CSPG4: variants seen among roughly 807,000 people sequenced by gnomAD.
The protein encoded by CSPG4 is chondroitin sulfate proteoglycan 4.
A neutral mutation model predicts 139.3 loss-of-function variants in CSPG4; 74 were observed. That is an observed-to-expected ratio of 0.53 (90% CI 0.44 to 0.64). CSPG4 has a LOEUF of 0.64. CSPG4 is among the 30% of genes least tolerant of loss of function. The pLI, the probability that CSPG4 is intolerant of heterozygous loss-of-function variation, is 0.00. For synonymous variants in CSPG4, 1,234 were observed against 1,394.2 expected, an observed-to-expected ratio of 0.89 and a Z score of 2.56; for missense variants, 2,565 against 3,148.3, an observed-to-expected ratio of 0.81 and a Z score of 4.43.
In CSPG4 at chr15:75,674,737, C is replaced by T. The variant is rs899150040; in HGVS notation, c.*813G>A. 2.0e-5 allele frequency: 8 copies of T among 398,620 alleles called. No homozygotes were observed. Among genetic ancestry groups the T allele is most frequent in the African/African-American group, 1.0e-4 (5 of 48,606 alleles). The allele number at this position is 398,620 out of a possible 1,614,324, so 24.7% of individuals were successfully genotyped here. A position where few individuals can be genotyped will look rare whatever the true frequency, so the allele number is the denominator to read the frequency against. On this transcript the variant is annotated 3_prime_UTR_variant, in exon 10 of 10. Transcript: ENST00000308508. ...CGCAGTGGCCTCGGCCTGAGACCCT[C>T]GATGAGCCCCAGCCTAACCTGCTCC...
In CSPG4 at chr15:75,676,801, G is replaced by A. The variant is rs1042644348; in HGVS notation, c.5718C>T (p.Phe1906=). ...CTGCCACGCTGCTCCCGTTGGCCAC[G>A]AAGGCCAGCCGCCCTGAATCCACAT... The part of the protein sequence containing the change: ...QADVDSGRLA[F]VANGSSVAGI... Residue 1906 remains phenylalanine, a synonymous_variant, in exon 10 of 10, where the codon TTC becomes TTT. Transcript: ENST00000308508. 7 of 1,543,422 alleles carry A rather than the reference G, an allele frequency of 4.5e-6. No individual in the cohort carries two copies. The highest frequency in any genetic ancestry group is 3.5e-6 in the Non-Finnish European group (4 of 1,143,306).
intron 5 of CSPG4, among the ~76,000 whole-genome samples, chr15:75,683,979 C>A (rs1317790179): frequency 3.3e-5 from 5 of 152,288 alleles, no homozygotes; most frequent in South Asian, 2.1e-4. Context: ...TGGCGGCTTC[C>A]GCACCACCAG....
rs1893914041 is a variant in CSPG4 at position 75,677,747 on chromosome 15, T to G, written c.5090A>C (p.Glu1697Ala). 6.2e-7 allele frequency: 1 copy of G among 1,609,702 alleles called. No individual in the cohort carries two copies. Among genetic ancestry groups the G allele is most frequent in the Admixed American group, 1.7e-5 (1 of 59,196 alleles). ...AATLAVAVSF[E>A]AACPQRPSHL... is the part of the protein sequence containing the mutation. Reference sequence around the variant, plus strand: ...GCTGGGGCGCTGGGGACAGGCAGCCTCAAAAGACACAGCCACAGCAAGGGT... The same window carrying G: ...GCTGGGGCGCTGGGGACAGGCAGCCGCAAAAGACACAGCCACAGCAAGGGT... The change falls in exon 9 of 10, where the codon GAG (glutamate) becomes GCG (alanine). Residue 1697 changes from glutamate to alanine, a missense_variant. This residue lies in a region of CSPG4 where 2,316 missense variants were observed against 2,818.2 expected (regional missense o/e 0.82). Coordinates refer to ENST00000308508, the MANE Select transcript of CSPG4 (RefSeq NM_001897.5).
chr15:75,685,004 T>C (rs1238567470), intron 4 of CSPG4, 92 bp from the exon 5 acceptor site: 2 of 1,366,842 alleles, frequency 1.5e-6, no homozygotes, highest in Non-Finnish European at 2.0e-6. Context: ...CTTTTAGGGC[T>C]TCATTTTCCA....
rs1174057655 is a variant in CSPG4 at position 75,677,143 on chromosome 15, G to A, written c.5376C>T (p.Gly1792=). The change falls in exon 10 of 10, where the codon GGC becomes GGT. Residue 1792 remains glycine (G), a synonymous_variant. Coordinates refer to ENST00000308508, the MANE Select transcript of CSPG4 (RefSeq NM_001897.5). ...GQLVYAHGGG[G]TQQDGFHFRA... ...GAAAGTGGAAGCCATCCTGCTGGGT[G>A]CCCCCACCGCCGTGGGCATACACTA... is the stretch of plus-strand genomic sequence containing the variant. The A allele has an allele frequency of 9.9e-6, 14 of 1,419,498 alleles. No individual in the cohort carries two copies. The highest frequency in any genetic ancestry group is 1.2e-5 in the Non-Finnish European group (13 of 1,083,988). The allele number at this position is 1,419,498 out of a possible 1,614,324, so 87.9% of individuals were successfully genotyped here.
At position 75,696,274 on chromosome 15, in the gene CSPG4, G is replaced by A. The variant is rs1894226233; in HGVS notation, c.89-3041C>T. Among the ~76,000 whole-genome samples the A allele has an allele frequency of 6.6e-6, 1 of 152,096 alleles. No homozygotes were observed. The highest frequency in any genetic ancestry group is 2.4e-5 in the African/African-American group (1 of 41,416). On this transcript the variant is annotated intron_variant, in intron 1 of 9. Transcript: ENST00000308508. The surrounding 1 kb of genome is among the most constrained non-coding windows in gnomAD (Gnocchi z 4.2). ...CATATGGATGTGGGGAAGGTTAATGGCATGGGGTGCCTGGAGGTGCCAAGC... is the reference window on the plus strand; with the variant it reads ...CATATGGATGTGGGGAAGGTTAATGACATGGGGTGCCTGGAGGTGCCAAGC...
chr15:75,676,218 T>C lies in CSPG4; in HGVS notation c.6301A>G (p.Arg2101Gly), dbSNP rs1893888984. ...HGRVVRVPRA[R>G]TEPGGSQLVE... Reference sequence around the variant, plus strand: ...AGCTGGCTGCCCCCGGGCTCCGTCCTGGCTCGGGGCACGCGGACCACGCGG... The same window carrying C: ...AGCTGGCTGCCCCCGGGCTCCGTCCCGGCTCGGGGCACGCGGACCACGCGG... The change falls in exon 10 of 10, where the codon AGG becomes GGG. Residue 2101 changes from arginine (R) to glycine (G), a missense_variant. Arg to Gly is a moderately radical substitution (Grantham distance 125). This residue lies in a region of CSPG4 where 2,316 missense variants were observed against 2,818.2 expected (regional missense o/e 0.82). Transcript: ENST00000308508. The C allele has an allele frequency of 1.3e-6, 2 of 1,552,378 alleles. No individual in the cohort carries two copies. The highest frequency in any genetic ancestry group is 1.7e-6 in the Non-Finnish European group (2 of 1,155,790).
intron 1 of CSPG4, among the ~76,000 whole-genome samples, chr15:75,703,096 GC>G (rs2141438492): frequency 8.3e-6 from 1 of 120,338 alleles, no homozygotes; most frequent in South Asian, 3.6e-4. Context: ...GGCAGAGAGG[GC>G]CCTGGGGACG....
rs1406586562 is a variant in CSPG4, at chr15:75,674,741, G to A, written c.*809C>T. The A allele has an allele frequency of 5.0e-6, 2 of 398,590 alleles. No individual in the cohort carries two copies. The highest frequency in any genetic ancestry group is 6.2e-4 in the Middle Eastern group (1 of 1,608). 24.7% of individuals were successfully genotyped at this position (398,590 alleles called of 1,614,324 possible). On this transcript the variant is annotated 3_prime_UTR_variant, in exon 10 of 10. Transcript: ENST00000308508. ...GTGGCCTCGGCCTGAGACCCTCGAT[G>A]AGCCCCAGCCTAACCTGCTCCAAAG... is the stretch of plus-strand genomic sequence containing the variant.
At chr15:75,699,845 C>T (rs1400571566) in intron 1 of CSPG4, among the ~76,000 whole-genome samples, 4 of 152,160 alleles carry the variant, frequency 2.6e-5, no homozygotes, top group South Asian at 2.1e-4. Context: ...GCCTTATAAT[C>T]TTCCCTCTTG....
chr15:75,683,064 G>A lies in CSPG4; in HGVS notation c.4450-23C>T, dbSNP rs183262083. On this transcript the variant is annotated intron_variant, in intron 5 of 9. Coordinates refer to ENST00000308508, the MANE Select transcript of CSPG4 (RefSeq NM_001897.5). ...CATCTGGGAACACAGGCCTGTGAAG[G>A]TTCTGCCTTGCCGCACTCACCCACC... The A allele has an allele frequency of 1.5e-3, 2,425 of 1,601,346 alleles. 6 individuals carry two copies. Among genetic ancestry groups the A allele is most frequent in the Middle Eastern group, 6.5e-3 (29 of 4,460 alleles).
Position 75,689,413 on chromosome 15 carries a change from T to C in CSPG4, c.1652A>G (p.Asp551Gly), listed in dbSNP as rs939527051. ...LLPIQVNPVN[D>G]PPHIIFPHGS... ...ATGTGGGAAGATGATGTGGGGTGGG[T>C]CATTGACAGGGTTGACCTGGATGGG... Residue 551 changes from aspartate (D) to glycine (G), a missense_variant, in exon 3 of 10, where the codon GAC (aspartate) becomes GGC (glycine). Coordinates refer to ENST00000308508, the MANE Select transcript of CSPG4 (RefSeq NM_001897.5). 2.5e-6 allele frequency: 4 copies of C among 1,612,398 alleles called. No individual in the cohort carries two copies. The highest frequency in any genetic ancestry group is 3.3e-5 in the Admixed American group (2 of 59,970).
intron 1 of CSPG4, 52 bp from the exon 2 acceptor site, chr15:75,693,285 G>A: frequency 7.2e-7 from 1 of 1,388,100 alleles, no homozygotes. Context: ...CCTGGAGGAG[G>A]CGAGGTGCCG....
chr15:75,694,586 G>A (rs760056327), intron 1 of CSPG4, among the ~76,000 whole-genome samples: 2 of 152,374 alleles, frequency 1.3e-5, no homozygotes, highest in African/African-American at 2.4e-5. Flanking sequence ...AGCTTCAGCC[G>A]TTGGAGGAGT....
At chr15:75,686,149 C>T (rs189732801) in intron 3 of CSPG4, among the ~76,000 whole-genome samples, 44 of 152,320 alleles carry the variant, frequency 2.9e-4, no homozygotes, top group African/African-American at 9.1e-4. Flanking sequence ...TGCAGGGGGT[C>T]GGTCACACAG....
upstream of CSPG4, among the ~76,000 whole-genome samples, chr15:75,713,391 C>G (rs1404277728): frequency 6.6e-6 from 1 of 152,162 alleles, no homozygotes; most frequent in Non-Finnish European, 1.5e-5. Flanking sequence ...CTCAGTCTCC[C>G]TGTCTGTAAG....
At chr15:75,700,997 C>G (rs896470400) in intron 1 of CSPG4, among the ~76,000 whole-genome samples, 4 of 152,204 alleles carry the variant, frequency 2.6e-5, no homozygotes, top group African/African-American at 9.7e-5. Flanking sequence ...CCAGCACACA[C>G]ACAGGGCTCA....
rs368004567 is a variant in CSPG4, at chr15:75,689,051, G to A, written c.2014C>T (p.Arg672Ter). 1.2e-6 allele frequency: 2 copies of A among 1,611,030 alleles called. No individual in the cohort carries two copies. The highest frequency in any genetic ancestry group is 1.7e-6 in the Non-Finnish European group (2 of 1,179,720). ...AIQIHRSTGL[R>*]LAQGSAMPIL... is the part of the protein sequence containing the mutation. Reference sequence around the variant, plus strand: ...GGCATGGCAGAGCCTTGGGCCAGTCGCAACCCTGTGCTGCGGTGGATCTGT... The same window carrying A: ...GGCATGGCAGAGCCTTGGGCCAGTCACAACCCTGTGCTGCGGTGGATCTGT... The change falls in exon 3 of 10, where the codon CGA (arginine) becomes TGA (stop). Residue 672 changes from arginine to a stop codon, truncating the protein, a stop_gained. Transcript: ENST00000308508. LOFTEE classifies it high-confidence loss of function.
At position 75,689,096 on chromosome 15, in the gene CSPG4, C is replaced by A; in HGVS notation, c.1969G>T (p.Val657Leu). 6.2e-7 allele frequency: 1 copy of A among 1,605,506 alleles called. No individual in the cohort carries two copies. The highest frequency in any genetic ancestry group is 1.1e-5 in the South Asian group (1 of 90,498). The change falls in exon 3 of 10, where the codon GTG becomes TTG. Residue 657 changes from valine (V) to leucine (L), a missense_variant. Physicochemically the swap from Val to Leu is conservative, Grantham distance 32. Around this residue, in one of 5 missense-constraint regions of CSPG4, gnomAD observed 2,316 missense variants for 2,818.2 expected, o/e 0.82. Transcript: ENST00000308508. ...QASPPATLKV[V>L]AIRPAIQIHR... ...ATCTGTATGGCCGGCCGGATGGCCA[C>A]CACCTTCAGCGTGGCCGGGGGGCTG...
Sources: allele counts gnomAD v4.1 joint callset (sites outside exome capture counted in the v4.1 genomes callset), GRCh38; gene constraint gnomAD v4.1.1; regional missense constraint gnomAD v4.1.1; non-coding constraint Gnocchi (gnomAD v3.1); transcripts MANE v1.5; gene names NCBI Gene and HGNC (gene_info 2026-07-23, HGNC 2026-07-21).